Variants in CPA6 observed in about 807,000 individuals in gnomAD.
CPA6 encodes carboxypeptidase B.
CPA6 carries 58 observed loss-of-function variants against 63.3 expected under a neutral mutation model. The ratio of observed to expected loss-of-function variants is 0.92; its 90% CI spans 0.74 to 1.14. The LOEUF is 1.14. Among genes scored for constraint, CPA6 ranks in the 50% most tolerant of loss-of-function variants. The pLI, the probability that CPA6 is intolerant of heterozygous loss-of-function variation, is 0.00. For synonymous variants in CPA6, 185 were observed against 179.0 expected, an observed-to-expected ratio of 1.03 and a Z score of -0.27; for missense variants, 565 against 526.6, an observed-to-expected ratio of 1.07 and a Z score of -0.71.
At chr8:67,662,026 C>A (rs1587681625) in intron 1 of CPA6, among the ~76,000 whole-genome samples, 1 of 152,192 alleles carries the variant, frequency 6.6e-6, no homozygotes, top group Non-Finnish European at 1.5e-5. Flanking sequence ...CCCAGCAACA[C>A]CATCTTGAAT....
At chr8:67,566,226 T>C (rs759143979) in intron 2 of CPA6, among the ~76,000 whole-genome samples, 3 of 152,222 alleles carry the variant, frequency 2.0e-5, no homozygotes, top group Non-Finnish European at 4.4e-5. Context: ...CCTCCAAAGA[T>C]AATGCTGTTT....
Position 67,732,333 on chromosome 8 carries a change from C to T in CPA6, c.116+13681G>A, listed in dbSNP as rs548199771. Among the ~76,000 whole-genome samples the T allele has an allele frequency of 2.6e-5, 4 of 152,306 alleles. No homozygotes were observed. The East Asian group carries it at 7.7e-4, about 29-fold the overall frequency. ...AAATTTAGTGTGATAAAACTGCCTG[C>T]AGGTGTCAGCAATTCGATTCCTAGT... On this transcript the variant is annotated intron_variant, in intron 1 of 10. Coordinates refer to ENST00000297770, the MANE Select transcript of CPA6 (RefSeq NM_020361.5).
At chr8:67,676,908 T>C (rs1816485686) in intron 1 of CPA6, among the ~76,000 whole-genome samples, 1 of 152,222 alleles carries the variant, frequency 6.6e-6, no homozygotes, top group Admixed American at 6.5e-5. Context: ...CAACAATTCT[T>C]CCTCAAAACT....
chr8:67,480,936 T>C (rs1436861177), intron 8 of CPA6, among the ~76,000 whole-genome samples: 4 of 152,236 alleles, frequency 2.6e-5, no homozygotes, highest in African/African-American at 9.6e-5. Flanking sequence ...TTGAGCGTAT[T>C]TTCATGTGCT....
chr8:67,456,427 T>A (rs1810678881), intron 8 of CPA6, among the ~76,000 whole-genome samples: 2 of 152,198 alleles, frequency 1.3e-5, no homozygotes, highest in African/African-American at 4.8e-5. Context: ...TTGTCTCAAT[T>A]TCCTTTCAAT....
chr8:67,665,963 A>G (rs1375423212), intron 1 of CPA6, among the ~76,000 whole-genome samples: 1 of 152,184 alleles, frequency 6.6e-6, no homozygotes, highest in Non-Finnish European at 1.5e-5. Context: ...CAAAATATAC[A>G]TGTCCTCTTA....
chr8:67,457,856 T>G (rs1563960537), intron 8 of CPA6, among the ~76,000 whole-genome samples: 1 of 152,144 alleles, frequency 6.6e-6, no homozygotes, highest in Non-Finnish European at 1.5e-5. Flanking sequence ...CAATTCCTGC[T>G]CTGTCATTCC....
At chr8:67,440,493 C>T (rs1020616635) in intron 8 of CPA6, among the ~76,000 whole-genome samples, 1 of 152,060 alleles carries the variant, frequency 6.6e-6, no homozygotes, top group African/African-American at 2.4e-5. Flanking sequence ...ATCGCTTGAA[C>T]CCAGGGGGTG....
rs149100912 is a variant in CPA6, at chr8:67,638,440, A to C, written c.117-14189T>G. 2.9e-4 allele frequency among the ~76,000 whole-genome samples: 44 copies of C among 151,522 alleles called. 4 individuals carry two copies. The highest frequency in any genetic ancestry group is 9.8e-4 in the African/African-American group (40 of 40,848). ...AAAATTTAAATTGATATGGTCCAAAACCTCCAAACTAAGGATTTGTGTTCA... is the reference window on the plus strand; with the variant it reads ...AAAATTTAAATTGATATGGTCCAAACCCTCCAAACTAAGGATTTGTGTTCA... On this transcript the variant is annotated intron_variant, in intron 1 of 10. Coordinates refer to ENST00000297770, the MANE Select transcript of CPA6 (RefSeq NM_020361.5).
intron 2 of CPA6, among the ~76,000 whole-genome samples, chr8:67,583,628 G>T (rs189028694): frequency 8.9e-4 from 135 of 152,288 alleles, no homozygotes; most frequent in African/African-American, 3.0e-3. Context: ...CACACCAAGG[G>T]CTGTGAATTC....
chr8:67,655,606 A>G (rs576155552), intron 1 of CPA6, among the ~76,000 whole-genome samples: 1 of 152,236 alleles, frequency 6.6e-6, no homozygotes, highest in Non-Finnish European at 1.5e-5. Context: ...CTGTGGAAAA[A>G]GCAAACCCTC....
At chr8:67,733,210 A>AAAAAAAAC (rs1817744882) in intron 1 of CPA6, among the ~76,000 whole-genome samples, 1 of 129,438 alleles carries the variant, frequency 7.7e-6, no homozygotes, top group African/African-American at 2.6e-5. Context: ...AAAAAAAAAA[A>AAAAAAAAC]AAAAAAAAAA....
intron 3 of CPA6, among the ~76,000 whole-genome samples, chr8:67,515,562 C>A (rs778933595): frequency 1.3e-5 from 2 of 152,208 alleles, no homozygotes; most frequent in African/African-American, 2.4e-5. Flanking sequence ...TGAATCTTCT[C>A]GCTTCCAGGG....
chr8:67,701,112 G>T (rs1817015814), intron 1 of CPA6, among the ~76,000 whole-genome samples: 1 of 152,148 alleles, frequency 6.6e-6, no homozygotes, highest in South Asian at 2.1e-4. Context: ...GAAAGAGCAT[G>T]GAGTTTGAAG....
At position 67,615,961 on chromosome 8, in the gene CPA6, G is replaced by A. The variant is rs150477664; in HGVS notation, c.192+8215C>T. 1.0e-3 allele frequency among the ~76,000 whole-genome samples: 158 copies of A among 152,304 alleles called. 1 individual carries two copies. Among genetic ancestry groups the A allele is most frequent in the Middle Eastern group, 3.4e-3 (1 of 294 alleles). On this transcript the variant is annotated intron_variant, in intron 2 of 10. Transcript: ENST00000297770. ...AATTACAACTGGTTCAGTATGGTTC[G>A]TGTGATGGGCACTAAGCCAAGGAGT... is the stretch of plus-strand genomic sequence containing the variant.
At chr8:67,583,042 C>T (rs1813817813) in intron 2 of CPA6, among the ~76,000 whole-genome samples, 1 of 151,762 alleles carries the variant, frequency 6.6e-6, no homozygotes, top group Non-Finnish European at 1.5e-5. Flanking sequence ...ATCTGGGTGG[C>T]TTTATTATTA....
chr8:67,694,648 G>C (rs897088240), intron 1 of CPA6, among the ~76,000 whole-genome samples: 1 of 152,188 alleles, frequency 6.6e-6, no homozygotes, highest in African/African-American at 2.4e-5. Flanking sequence ...CCGCACCTAT[G>C]GCCTCATGGG....
At chr8:67,638,826 G>A (rs1054272902) in intron 1 of CPA6, among the ~76,000 whole-genome samples, 1 of 151,402 alleles carries the variant, frequency 6.6e-6, no homozygotes, top group Non-Finnish European at 1.5e-5. Context: ...TGCAGATGTT[G>A]TTTGTGAGAG....
rs1474128149 is a variant in CPA6, at chr8:67,475,912, TTCTTTCTTTCTTTCTTTCTTTC to T, written c.838+7834_838+7855del. 8.2e-3 allele frequency among the ~76,000 whole-genome samples: 838 copies of T among 102,162 alleles called. 20 individuals are homozygous for T. Among genetic ancestry groups the T allele is most frequent in the Middle Eastern group, 0.029 (6 of 208 alleles). The allele number at this position is 102,162 out of a possible 152,430, so 67.0% of individuals were successfully genotyped here. A position where few individuals can be genotyped will look rare whatever the true frequency, so the allele number is the denominator to read the frequency against. On this transcript the variant is annotated intron_variant, in intron 8 of 10. Transcript: ENST00000297770. ...TTTCTTTCTTTCTTTCTTTCTTTCTTTCTTTCTTTCTTTCTTTCTTTCTCTTTCTTTCTCTGTCTTTCTTTCT... is the reference window on the plus strand; with the variant it reads ...TTTCTTTCTTTCTTTCTTTCTTTCTTTCTTTCTTTCTCTGTCTTTCTTTCT...
Sources: gnomAD v4.1 joint callset for allele counts (sites outside exome capture counted in the v4.1 genomes callset) on GRCh38, gnomAD v4.1.1 for gene constraint, MANE v1.5 for transcripts, NCBI Gene and HGNC (gene_info 2026-07-23, HGNC 2026-07-21) for gene names.